Variants in DDX31 observed in about 807,000 individuals in gnomAD.
DDX31 encodes the protein DEAD-box helicase 31, also known as ATP-dependent DNA helicase DDX31.
DDX31 carries 70 observed loss-of-function variants against 91.3 expected under a neutral mutation model. The observed-to-expected ratio is 0.77, with a 90% confidence interval of 0.63 to 0.94. The LOEUF is 0.94. Ranked by LOEUF, DDX31 falls within the 40% of genes least tolerant of loss-of-function variation. DDX31 has a pLI of 0.00. For missense variants in DDX31, 902 were observed against 925.0 expected, an observed-to-expected ratio of 0.98 and a Z score of 0.32; for synonymous variants, 362 against 350.6, an observed-to-expected ratio of 1.03 and a Z score of -0.36.
intron 11 of DDX31, 21 bp from the exon 12 acceptor site, chr9:132,647,079 G>A: frequency 1.9e-6 from 3 of 1,609,934 alleles, no homozygotes; most frequent in Admixed American, 1.7e-5. Context: ...AGTAAGAAGG[G>A]CAAAGCAGAC....
chr9:132,655,310 A>T (rs930857004), intron 6 of DDX31, among the ~76,000 whole-genome samples: 2 of 152,232 alleles, frequency 1.3e-5, no homozygotes, highest in Non-Finnish European at 2.9e-5. Flanking sequence ...ATCAAAAAGA[A>T]CAAGGTAGCC....
chr9:132,649,323 C>T (rs79373018), intron 9 of DDX31, among the ~76,000 whole-genome samples: 4,436 of 152,238 alleles, frequency 0.029, 89 homozygotes, highest in Non-Finnish European at 0.048. Flanking sequence ...GTAAAGGGAA[C>T]ACGCCAATCA....
intron 18 of DDX31, among the ~76,000 whole-genome samples, chr9:132,612,502 A>G (rs1818625045): frequency 2.0e-5 from 3 of 152,202 alleles, no homozygotes; most frequent in Admixed American, 2.0e-4. Context: ...AAAATATCAG[A>G]TTTGACCACA....
intron 16 of DDX31, among the ~76,000 whole-genome samples, chr9:132,627,910 T>C (rs1259364392): frequency 6.6e-6 from 1 of 152,220 alleles, no homozygotes; most frequent in East Asian, 1.9e-4. Context: ...GCACGAAACA[T>C]GCACATGCTT....
chr9:132,620,210 G>A (rs1308936340), intron 17 of DDX31, among the ~76,000 whole-genome samples: 1 of 152,028 alleles, frequency 6.6e-6, no homozygotes, highest in Non-Finnish European at 1.5e-5. Context: ...GAGGCAGAGA[G>A]GTTTCAGAAT....
intron 6 of DDX31, among the ~76,000 whole-genome samples, chr9:132,653,468 T>C (rs1364517726): frequency 5.6e-5 from 6 of 107,830 alleles, no homozygotes; most frequent in Non-Finnish European, 1.0e-4. Flanking sequence ...TGCTCCAGCC[T>C]GGGCAACAAG....
intron 13 of DDX31, among the ~76,000 whole-genome samples, chr9:132,643,543 C>T (rs940828286): frequency 1.3e-5 from 2 of 152,204 alleles, no homozygotes; most frequent in African/African-American, 4.8e-5. Context: ...AAACATTCAT[C>T]GAGTGCCCAC....
Position 132,593,326 on chromosome 9 carries a change from A to G in DDX31, c.*1540T>C, listed in dbSNP as rs565636624. The G allele has an allele frequency of 2.0e-5, 3 of 152,292 alleles. No individual in the cohort carries two copies. In the East Asian group the frequency reaches 5.8e-4, roughly 29 times the overall value. The allele number at this position is 152,292 out of a possible 1,614,324, so 9.4% of individuals were successfully genotyped here. On this transcript the variant is annotated 3_prime_UTR_variant, in exon 20 of 20. Coordinates refer to ENST00000372159, the MANE Select transcript of DDX31 (RefSeq NM_022779.9). The stretch of plus-strand genomic sequence containing the variant: ...GGTTTCTCTTTGATCATCCCCAATC[A>G]CTGGCATTAATCCTGTTTTTCACAC...
At chr9:132,651,842 T>C (rs1048000377) in intron 7 of DDX31, among the ~76,000 whole-genome samples, 1 of 152,226 alleles carries the variant, frequency 6.6e-6, no homozygotes, top group Non-Finnish European at 1.5e-5. Context: ...TGCCTGCTCC[T>C]TCATTGGACT....
chr9:132,602,684 A>T (rs1204605029), intron 19 of DDX31, among the ~76,000 whole-genome samples: 3 of 152,166 alleles, frequency 2.0e-5, no homozygotes, highest in Non-Finnish European at 4.4e-5. Flanking sequence ...AACATCTACG[A>T]CCCACTCTTG....
chr9:132,597,099 G>A (rs1224134845), intron 19 of DDX31, among the ~76,000 whole-genome samples: 4 of 152,156 alleles, frequency 2.6e-5, no homozygotes, highest in African/African-American at 4.8e-5. Flanking sequence ...GAGATGCCAC[G>A]CACCTCCCCC....
chr9:132,596,681 G>A (rs1830452120), intron 19 of DDX31, among the ~76,000 whole-genome samples: 1 of 152,238 alleles, frequency 6.6e-6, no homozygotes, highest in Non-Finnish European at 1.5e-5. Flanking sequence ...GGTAAGTGGA[G>A]AAGCCAAGAG....
At chr9:132,652,524 C>T in intron 6 of DDX31, 32 bp from the exon 7 acceptor site, 1 of 1,613,512 alleles carries the variant, frequency 6.2e-7, no homozygotes, top group Non-Finnish European at 8.5e-7. Flanking sequence ...ATGCCATGAG[C>T]AGGATAAACA....
At chr9:132,628,458 TTTG>T (rs1832530199) in intron 16 of DDX31, among the ~76,000 whole-genome samples, 1 of 152,262 alleles carries the variant, frequency 6.6e-6, no homozygotes, top group Non-Finnish European at 1.5e-5. Context: ...GATGATGGTA[TTTG>T]TTATGTCTTT....
At position 132,597,310 on chromosome 9, in the gene DDX31, G is replaced by A. The variant is rs1802229486; in HGVS notation, c.1995-2198C>T. Among the ~76,000 whole-genome samples, 6 of 152,298 alleles carry A rather than the reference G, an allele frequency of 3.9e-5. No individual in the cohort carries two copies. In the South Asian group the frequency reaches 1.2e-3, roughly 32 times the overall value. ...GTGGTTGGGAAGTGGCGGGAGACAG[G>A]GCCTGCGGTTGGGCGCACTCAACTT... is the stretch of plus-strand genomic sequence containing the variant. On this transcript the variant is annotated intron_variant, in intron 19 of 19. Coordinates refer to ENST00000372159, the MANE Select transcript of DDX31 (RefSeq NM_022779.9).
intron 6 of DDX31, chr9:132,658,416 T>C (rs1834713536): frequency 1.4e-6 from 1 of 700,910 alleles, no homozygotes; most frequent in South Asian, 1.5e-5. Flanking sequence ...ACATGCAAAG[T>C]ATCATGCCTG....
chr9:132,599,734 G>A (rs536022208), intron 19 of DDX31, among the ~76,000 whole-genome samples: 1 of 152,342 alleles, frequency 6.6e-6, no homozygotes, highest in East Asian at 1.9e-4. Flanking sequence ...CAGACAGACA[G>A]ACAGGGGTTC....
chr9:132,626,523 A>G (rs976059642), intron 16 of DDX31, among the ~76,000 whole-genome samples: 2 of 152,218 alleles, frequency 1.3e-5, no homozygotes, highest in Non-Finnish European at 2.9e-5. Context: ...GAGATGAAGG[A>G]AGAAACGTGA....
At chr9:132,643,730 A>G (rs1411873310) in intron 13 of DDX31, among the ~76,000 whole-genome samples, 1 of 152,328 alleles carries the variant, frequency 6.6e-6, no homozygotes, top group East Asian at 1.9e-4. Flanking sequence ...GAACCCAGGG[A>G]GCTGTGTTCC....
Sources: allele counts gnomAD v4.1 joint callset (sites outside exome capture counted in the v4.1 genomes callset), GRCh38; gene constraint gnomAD v4.1.1; transcripts MANE v1.5; gene names NCBI Gene and HGNC (gene_info 2026-07-23, HGNC 2026-07-21).